Variants in DOCK1 observed in about 807,000 individuals in gnomAD.
The protein encoded by DOCK1 is dedicator of cytokinesis 1.
DOCK1 carries 138 observed loss-of-function variants against 262.7 expected under a neutral mutation model. The ratio of observed to expected loss-of-function variants is 0.53; its 90% CI spans 0.46 to 0.61. The LOEUF is 0.61. Among genes scored for constraint, DOCK1 ranks in the 20% least tolerant of loss-of-function variants. DOCK1 has a pLI of 0.00. For missense variants in DOCK1, 1,908 were observed against 2,370.7 expected (o/e 0.80, Z 4.05); for synonymous variants, 866 against 867.4 (o/e 1.00, Z 0.03).
At position 127,007,416 on chromosome 10, in the gene DOCK1, C is replaced by T. The variant is rs537308582; in HGVS notation, c.986-1316C>T. 21 of 152,230 alleles carry T rather than the reference C, an allele frequency of 1.4e-4. No individual in the cohort carries two copies. The South Asian group carries it at 2.5e-3, about 18-fold the overall frequency. The allele number at this position is 152,230 out of a possible 1,614,324, so 9.4% of individuals were successfully genotyped here. ...ATTTAGACTGATCCTCTTACCTGAA[C>T]GCAGAGCTGGGCTACAGAGAGACCC... On this transcript the variant is annotated intron_variant, in intron 10 of 51. Transcript: ENST00000623213.
At chr10:127,260,959 G>GTACC (rs2060035164) in intron 29 of DOCK1, among the ~76,000 whole-genome samples, 2 of 121,144 alleles carry the variant, frequency 1.7e-5, no homozygotes, top group Admixed American at 8.6e-5. Flanking sequence ...ATCTGTGTGT[G>GTACC]TGCATGTGGG....
At chr10:127,130,158 A>G (rs1182890380) in intron 27 of DOCK1, among the ~76,000 whole-genome samples, 2 of 144,460 alleles carry the variant, frequency 1.4e-5, no homozygotes, top group East Asian at 2.0e-4. Context: ...ATCTTGACTC[A>G]CTGCAACCTC....
chr10:127,204,113 T>C (rs1004069140), intron 27 of DOCK1, among the ~76,000 whole-genome samples: 1 of 152,174 alleles, frequency 6.6e-6, no homozygotes, highest in Non-Finnish European at 1.5e-5. Context: ...CGGAGGCTTC[T>C]GAGTGATCTC....
At chr10:127,078,845 A>G (rs1478169491) in intron 23 of DOCK1, among the ~76,000 whole-genome samples, 2 of 152,156 alleles carry the variant, frequency 1.3e-5, no homozygotes, top group South Asian at 2.1e-4. Flanking sequence ...AAAACCAAAC[A>G]TGGAATCTCC....
At chr10:127,370,850 T>A (rs148798780) in intron 33 of DOCK1, among the ~76,000 whole-genome samples, 42 of 152,370 alleles carry the variant, frequency 2.8e-4, no homozygotes, top group Non-Finnish European at 5.0e-4. Flanking sequence ...ACTGAGAGAC[T>A]CTCTGTTCAG....
At chr10:127,194,948 T>G (rs1278989839) in intron 27 of DOCK1, among the ~76,000 whole-genome samples, 1 of 152,098 alleles carries the variant, frequency 6.6e-6, no homozygotes, top group Non-Finnish European at 1.5e-5. Flanking sequence ...CGCGTGCAGC[T>G]CCCCAGCACA....
chr10:127,319,780 G>A (rs543487367), intron 29 of DOCK1, among the ~76,000 whole-genome samples: 49 of 152,254 alleles, frequency 3.2e-4, no homozygotes, highest in East Asian at 9.7e-4. Context: ...GTGTCTGCTC[G>A]GCTCTGCCTT....
chr10:127,430,896 G>A (rs527922649), intron 47 of DOCK1, among the ~76,000 whole-genome samples: 1 of 152,304 alleles, frequency 6.6e-6, no homozygotes, highest in African/African-American at 2.4e-5. Flanking sequence ...AAAACTCAGG[G>A]TCATTAGGCA....
At chr10:127,289,254 A>G (rs2061267046) in intron 29 of DOCK1, among the ~76,000 whole-genome samples, 1 of 152,176 alleles carries the variant, frequency 6.6e-6, no homozygotes, top group Non-Finnish European at 1.5e-5. Flanking sequence ...CTAACTTTGT[A>G]TTCTGGAGAC....
chr10:127,175,778 T>C lies in DOCK1; in HGVS notation c.2847+48014T>C, dbSNP rs1431137838. On this transcript the variant is annotated intron_variant, in intron 27 of 51. Coordinates refer to ENST00000623213, the MANE Select transcript of DOCK1 (RefSeq NM_001290223.2). This position sits in a 1 kb window ranked among gnomAD's most constrained non-coding sequence, Gnocchi z 6.3. Reference sequence around the variant, plus strand: ...GCCGAGTGGAGTTTTGGAGCGCAGCTTCTCCATAGCTGAGCGGCTCCGGGC... The same window carrying C: ...GCCGAGTGGAGTTTTGGAGCGCAGCCTCTCCATAGCTGAGCGGCTCCGGGC... The C allele has an allele frequency of 1.9e-6, 3 of 1,614,114 alleles. No individual in the cohort carries two copies. In the South Asian group the frequency reaches 3.3e-5, roughly 18 times the overall value.
chr10:127,296,247 A>G (rs561570975), intron 29 of DOCK1, among the ~76,000 whole-genome samples: 49 of 152,316 alleles, frequency 3.2e-4, no homozygotes, highest in African/African-American at 1.1e-3. Flanking sequence ...GATTCTTACA[A>G]TGCAACAAAG....
rs773566933 is a variant in DOCK1, at chr10:127,012,648, G to A, written c.1201+274G>A. Among the ~76,000 whole-genome samples the A allele has an allele frequency of 2.6e-5, 4 of 152,164 alleles. No homozygotes were observed. Among genetic ancestry groups the A allele is most frequent in the Non-Finnish European group, 4.4e-5 (3 of 68,034 alleles). On this transcript the variant is annotated intron_variant, in intron 12 of 51. Coordinates refer to ENST00000623213, the MANE Select transcript of DOCK1 (RefSeq NM_001290223.2). This position sits in a 1 kb window ranked among gnomAD's most constrained non-coding sequence, Gnocchi z 4.0. ...TTAGAGGAACATGCAGGCGGTAGGC[G>A]TAACTCCCTCTGCCCGTGTTGTGTG...
intron 48 of DOCK1, among the ~76,000 whole-genome samples, chr10:127,436,700 T>G (rs953933286): frequency 1.3e-4 from 20 of 152,170 alleles, no homozygotes; most frequent in Admixed American, 7.9e-4. Context: ...TATTTCACTA[T>G]GAATTTCTAA....
intron 33 of DOCK1, among the ~76,000 whole-genome samples, chr10:127,366,704 G>T (rs376443918): frequency 6.6e-6 from 1 of 152,186 alleles, no homozygotes. Flanking sequence ...GTGGACATGT[G>T]TGTGGCACAT....
intron 27 of DOCK1, among the ~76,000 whole-genome samples, chr10:127,165,862 C>T (rs1173001617): frequency 2.0e-5 from 3 of 152,108 alleles, no homozygotes; most frequent in Admixed American, 2.0e-4. Context: ...CTTCCCAATA[C>T]ACTTTATTTA....
At chr10:127,173,820 T>A (rs1306773794) in intron 27 of DOCK1, among the ~76,000 whole-genome samples, 1 of 152,214 alleles carries the variant, frequency 6.6e-6, no homozygotes, top group African/African-American at 2.4e-5. Context: ...AACCCAAGAT[T>A]GAACAAGGCC....
At chr10:127,364,116 G>A (rs1007197634) in intron 33 of DOCK1, among the ~76,000 whole-genome samples, 1 of 152,214 alleles carries the variant, frequency 6.6e-6, no homozygotes, top group Non-Finnish European at 1.5e-5. Context: ...CCTGCAGGGT[G>A]AGCCCCCAGT....
At chr10:127,127,640 T>C in intron 26 of DOCK1, 29 bp from the exon 27 acceptor site, 1 of 1,559,286 alleles carries the variant, frequency 6.4e-7, no homozygotes, top group Non-Finnish European at 8.8e-7. Flanking sequence ...TTCTCTGGTG[T>C]TGGTGTTCAT....
chr10:126,975,529 TCTGA>T (rs1187079604), intron 2 of DOCK1, among the ~76,000 whole-genome samples: 6 of 152,262 alleles, frequency 3.9e-5, no homozygotes, highest in South Asian at 2.1e-4. Context: ...TTTTCATTTC[TCTGA>T]CTATTATTAA....
Sources: allele counts gnomAD v4.1 joint callset (sites outside exome capture counted in the v4.1 genomes callset), GRCh38; gene constraint gnomAD v4.1.1; non-coding constraint Gnocchi (gnomAD v3.1); transcripts MANE v1.5; gene names NCBI Gene and HGNC (gene_info 2026-07-23, HGNC 2026-07-21).